Variants in DISC1 observed in about 807,000 individuals in gnomAD.
The protein encoded by DISC1 is disrupted in schizophrenia 1 protein.
A neutral mutation model predicts 84.5 loss-of-function variants in DISC1; 57 were observed. That is an observed-to-expected ratio of 0.67 (90% CI 0.55 to 0.84). The LOEUF is 0.84. DISC1 is among the 40% of genes least tolerant of loss of function. The pLI is 0.00. For missense variants in DISC1, 1,000 were observed against 1,057.8 expected (o/e 0.95, Z 0.76); for synonymous variants, 411 against 415.2 (o/e 0.99, Z 0.12).
At chr1:231,987,411 G>A (rs1447963204) in intron 10 of DISC1, among the ~76,000 whole-genome samples, 1 of 152,232 alleles carries the variant, frequency 6.6e-6, no homozygotes, top group Non-Finnish European at 1.5e-5. Flanking sequence ...TTTGCCGATG[G>A]AACTTGCTGC....
intron 1 of DISC1, among the ~76,000 whole-genome samples, chr1:231,656,034 A>G (rs1242359858): frequency 3.9e-5 from 6 of 152,054 alleles, no homozygotes; most frequent in Non-Finnish European, 7.4e-5. Flanking sequence ...ATTTTCTCCC[A>G]TTCTGTGAGT....
intron 10 of DISC1, among the ~76,000 whole-genome samples, chr1:231,986,868 AAAC>A (rs1664521419): frequency 6.6e-6 from 1 of 152,218 alleles, no homozygotes; most frequent in Non-Finnish European, 1.5e-5. Flanking sequence ...GATGAAAAGA[AAAC>A]AAAAATTAAT....
intron 3 of DISC1, among the ~76,000 whole-genome samples, chr1:231,747,567 A>T (rs2074137846): frequency 6.6e-6 from 1 of 152,128 alleles, no homozygotes; most frequent in South Asian, 2.1e-4. Flanking sequence ...AAATCAGTTG[A>T]CAGTATATAT....
chr1:231,648,358 G>A (rs1013524226), intron 1 of DISC1, among the ~76,000 whole-genome samples: 14 of 152,118 alleles, frequency 9.2e-5, no homozygotes, highest in African/African-American at 1.7e-4. Context: ...GATGGATTAC[G>A]TTTATTGACT....
At position 231,954,697 on chromosome 1, in the gene DISC1, AGAG is replaced by A. The variant is rs1423321851; in HGVS notation, c.1982-4126_1982-4124del. 6.6e-6 allele frequency among the ~76,000 whole-genome samples: 1 copy of A among 152,206 alleles called. No individual in the cohort carries two copies. Among genetic ancestry groups the A allele is most frequent in the Non-Finnish European group, 1.5e-5 (1 of 68,046 alleles). On this transcript the variant is annotated intron_variant, in intron 9 of 12. Transcript: ENST00000439617. The surrounding 1 kb of genome is among the most constrained non-coding windows in gnomAD (Gnocchi z 4.8). ...ACCTAAAATGGTAGGGAAGAAAGGA[AGAG>A]GAGGGGAGTAAGAAGAGAGGAAAAG...
intron 9 of DISC1, among the ~76,000 whole-genome samples, chr1:231,865,444 G>T (rs1309131822): frequency 6.6e-6 from 1 of 152,198 alleles, no homozygotes; most frequent in African/African-American, 2.4e-5. Flanking sequence ...CCCAGGATGG[G>T]AGGCTAAACC....
intron 10 of DISC1, among the ~76,000 whole-genome samples, chr1:231,989,077 C>G (rs1299192788): frequency 6.6e-6 from 1 of 152,232 alleles, no homozygotes; most frequent in Non-Finnish European, 1.5e-5. Context: ...TCCTTGCTAT[C>G]ATTTTCCTTG....
chr1:231,821,767 G>T (rs2081515936), intron 9 of DISC1, among the ~76,000 whole-genome samples: 1 of 148,978 alleles, frequency 6.7e-6, no homozygotes, highest in Non-Finnish European at 1.5e-5. Context: ...AGGCTGGAGT[G>T]TAATGGTGCG....
chr1:232,013,221 A>C (rs1668189558), intron 11 of DISC1, among the ~76,000 whole-genome samples: 1 of 152,238 alleles, frequency 6.6e-6, no homozygotes, highest in South Asian at 2.1e-4. Context: ...CCTGGACAGT[A>C]CCACTCTCCC....
At chr1:231,683,481 A>G (rs1274391258) in intron 1 of DISC1, among the ~76,000 whole-genome samples, 1 of 145,848 alleles carries the variant, frequency 6.9e-6, no homozygotes, top group East Asian at 2.0e-4. Context: ...GCTGGAGTGC[A>G]ATGGCGTGAC....
At chr1:231,929,517 C>T (rs545906844) in intron 9 of DISC1, among the ~76,000 whole-genome samples, 299 of 152,326 alleles carry the variant, frequency 2.0e-3, no homozygotes, top group African/African-American at 6.6e-3. Context: ...TTAATGAGCC[C>T]TCATGGCACT....
At chr1:231,958,684 G>T in intron 9 of DISC1, 144 bp from the exon 10 acceptor site, 1 of 843,854 alleles carries the variant, frequency 1.2e-6, no homozygotes, top group Non-Finnish European at 1.9e-6. Context: ...CCACTCCAGT[G>T]GATTTGAGTG....
At chr1:232,034,038 C>G (rs1376123054) in intron 12 of DISC1, among the ~76,000 whole-genome samples, 3 of 152,082 alleles carry the variant, frequency 2.0e-5, no homozygotes, top group Non-Finnish European at 4.4e-5. Flanking sequence ...TTTTCCATTT[C>G]AGTACATCCA....
intron 1 of DISC1, among the ~76,000 whole-genome samples, chr1:231,687,641 C>T (rs2064457588): frequency 1.3e-5 from 2 of 152,212 alleles, no homozygotes; most frequent in Admixed American, 6.5e-5. Context: ...AGTGTTCCTT[C>T]ATGCACATGG....
At chr1:231,931,507 C>T (rs2090654961) in intron 9 of DISC1, among the ~76,000 whole-genome samples, 1 of 152,174 alleles carries the variant, frequency 6.6e-6, no homozygotes, top group Non-Finnish European at 1.5e-5. Flanking sequence ...TGTGGACTCA[C>T]TGAGTGAATG....
intron 9 of DISC1, among the ~76,000 whole-genome samples, chr1:231,889,637 A>G (rs1298053717): frequency 6.6e-6 from 1 of 152,126 alleles, no homozygotes; most frequent in African/African-American, 2.4e-5. Flanking sequence ...GCCTGGCTGC[A>G]CTCACAGTGG....
intron 10 of DISC1, among the ~76,000 whole-genome samples, chr1:231,969,846 C>T (rs1461435164): frequency 6.6e-6 from 1 of 151,870 alleles, no homozygotes; most frequent in East Asian, 1.9e-4. Context: ...GAGAACATAC[C>T]ATGTTTGGTT....
At chr1:231,806,287 A>G (rs2079702795) in intron 8 of DISC1, among the ~76,000 whole-genome samples, 1 of 152,172 alleles carries the variant, frequency 6.6e-6, no homozygotes, top group Admixed American at 6.5e-5. Context: ...CGGCCAGTGT[A>G]CCTGTAGTAA....
At chr1:231,657,546 A>G (rs192354409) in intron 1 of DISC1, among the ~76,000 whole-genome samples, 164 of 152,242 alleles carry the variant, frequency 1.1e-3, no homozygotes, top group Non-Finnish European at 5.9e-4. Flanking sequence ...TCATCATGAA[A>G]TCTTTGTCCA....
Sources: gnomAD v4.1 joint callset for allele counts (sites outside exome capture counted in the v4.1 genomes callset) on GRCh38, gnomAD v4.1.1 for gene constraint, Gnocchi (gnomAD v3.1) non-coding constraint, MANE v1.5 for transcripts, NCBI Gene and HGNC (gene_info 2026-07-23, HGNC 2026-07-21) for gene names.